RPTOR: variants seen among roughly 807,000 people sequenced by gnomAD.
The protein encoded by RPTOR is regulatory-associated protein of mTOR.
In RPTOR, 21 loss-of-function variants were observed where a neutral mutation model predicts 169.9. The ratio of observed to expected loss-of-function variants is 0.12; its 90% CI spans 0.09 to 0.18. RPTOR has a LOEUF of 0.18. Among genes scored for constraint, RPTOR ranks in the 10% least tolerant of loss-of-function variants. The pLI, the probability that RPTOR is intolerant of heterozygous loss-of-function variation, is 1.00. For synonymous variants in RPTOR, 732 were observed against 753.2 expected (o/e 0.97, Z 0.46); for missense variants, 1,133 against 1,855.9 (o/e 0.61, Z 7.16).
intron 23 of RPTOR, chr17:80,923,944 C>T (rs146571389): frequency 5.1e-5 from 23 of 454,670 alleles, no homozygotes; most frequent in African/African-American, 8.1e-5. Context: ...GGGTGTGTCC[C>T]GGTTCTCCGC....
Position 80,796,055 on chromosome 17 carries a change from C to T in RPTOR, c.890+4546C>T, listed in dbSNP as rs117345396. ...CCACAGTTAGAGAGAGATGGCAAGG[C>T]GCCAGAGAGGCCGTGCTCTCGAGGC... On this transcript the variant is annotated intron_variant, in intron 7 of 33. Coordinates refer to ENST00000306801, the MANE Select transcript of RPTOR (RefSeq NM_020761.3). Among the ~76,000 whole-genome samples, 229 of 152,298 alleles carry T rather than the reference C, an allele frequency of 1.5e-3. 4 individuals carry two copies. The East Asian group carries it at 0.033, about 22-fold the overall frequency.
At chr17:80,873,036 G>C (rs2068068899) in intron 13 of RPTOR, among the ~76,000 whole-genome samples, 1 of 152,058 alleles carries the variant, frequency 6.6e-6, no homozygotes, top group African/African-American at 2.4e-5. Flanking sequence ...CCTGCTCATG[G>C]CTGGCTCCTG....
intron 1 of RPTOR, among the ~76,000 whole-genome samples, chr17:80,600,384 A>C (rs1044292025): frequency 3.9e-5 from 6 of 152,188 alleles, no homozygotes; most frequent in African/African-American, 1.4e-4. Context: ...TGTGAGGAGG[A>C]AGCAGGCTGT....
intron 5 of RPTOR, among the ~76,000 whole-genome samples, chr17:80,742,775 T>C (rs529528953): frequency 4.6e-5 from 7 of 152,062 alleles, no homozygotes; most frequent in South Asian, 2.1e-4. Context: ...CGCACATGTA[T>C]ACATGTGCAT....
intron 7 of RPTOR, chr17:80,804,682 G>T: frequency 6.6e-6 from 1 of 152,390 alleles, no homozygotes. Flanking sequence ...AAGTCGCACA[G>T]CTAGGAGTGG....
intron 6 of RPTOR, among the ~76,000 whole-genome samples, chr17:80,776,681 T>C (rs545488556): frequency 4.6e-5 from 7 of 152,318 alleles, no homozygotes; most frequent in Admixed American, 3.3e-4. Context: ...ATCACACATA[T>C]ATGAAAGTGT....
At position 80,820,158 on chromosome 17, in the gene RPTOR, C is replaced by T. The variant is rs1364316602; in HGVS notation, c.891-2043C>T. ...TTACTGATCCTAGGCCACAGAGCTT[C>T]GGCGTGTGGTCTGGGCGCTGTCTGT... On this transcript the variant is annotated intron_variant, in intron 7 of 33. Transcript: ENST00000306801. This position sits in a 1 kb window ranked among gnomAD's most constrained non-coding sequence, Gnocchi z 4.1. 1.3e-5 allele frequency among the ~76,000 whole-genome samples: 2 copies of T among 152,182 alleles called. No individual in the cohort carries two copies. The highest frequency in any genetic ancestry group is 2.9e-5 in the Non-Finnish European group (2 of 68,026).
intron 6 of RPTOR, among the ~76,000 whole-genome samples, chr17:80,758,344 C>T (rs773296868): frequency 2.0e-5 from 3 of 152,128 alleles, no homozygotes; most frequent in Admixed American, 6.6e-5. Context: ...GTCAGGAGTG[C>T]GGTTGAGCTC....
At chr17:80,895,695 C>G (rs1251485232) in intron 20 of RPTOR, among the ~76,000 whole-genome samples, 1 of 152,244 alleles carries the variant, frequency 6.6e-6, no homozygotes, top group Non-Finnish European at 1.5e-5. Flanking sequence ...AGATGTCGCC[C>G]CAGGCCTTCC....
intron 11 of RPTOR, among the ~76,000 whole-genome samples, chr17:80,853,378 G>A (rs1274220257): frequency 6.6e-6 from 1 of 152,176 alleles, no homozygotes; most frequent in East Asian, 1.9e-4. Context: ...CTCCTGGGGG[G>A]AGGGAAAACC....
chr17:80,836,060 A>G (rs2067560022), intron 9 of RPTOR, among the ~76,000 whole-genome samples: 1 of 152,202 alleles, frequency 6.6e-6, no homozygotes, highest in Admixed American at 6.5e-5. Context: ...AACGGATCCT[A>G]GAGAGAGAGC....
chr17:80,635,137 TCTC>T (rs1180365941), intron 2 of RPTOR, among the ~76,000 whole-genome samples: 1 of 152,196 alleles, frequency 6.6e-6, no homozygotes, highest in East Asian at 1.9e-4. Flanking sequence ...TGAACCCTCT[TCTC>T]CTCTCTGCCA....
At chr17:80,686,565 G>A (rs1052834384) in intron 3 of RPTOR, among the ~76,000 whole-genome samples, 24 of 151,940 alleles carry the variant, frequency 1.6e-4, no homozygotes, top group African/African-American at 4.8e-4. Flanking sequence ...TTTGCCTTTC[G>A]GGACTCATTG....
rs894816727 is a variant in RPTOR, at chr17:80,963,164, T to C, written c.3939+107T>C. Reference sequence around the variant, plus strand: ...CCTGCCTGGCTACCCCACACCACAGTGGGGCCCATTGGCTGCCTGAGGGAG... The same window carrying C: ...CCTGCCTGGCTACCCCACACCACAGCGGGGCCCATTGGCTGCCTGAGGGAG... On this transcript the variant is annotated intron_variant, in intron 33 of 33. Coordinates refer to ENST00000306801, the MANE Select transcript of RPTOR (RefSeq NM_020761.3). 573 of 1,101,056 alleles carry C rather than the reference T, an allele frequency of 5.2e-4. 2 individuals carry two copies. The highest frequency in any genetic ancestry group is 3.2e-4 in the Non-Finnish European group (247 of 767,012). 68.2% of individuals were successfully genotyped at this position (1,101,056 alleles called of 1,614,324 possible).
At chr17:80,766,057 CTTTTTAAATTTTT>C (rs1192893846) in intron 6 of RPTOR, among the ~76,000 whole-genome samples, 1 of 152,118 alleles carries the variant, frequency 6.6e-6, no homozygotes, top group Non-Finnish European at 1.5e-5. Context: ...CTAGCATGTA[CTTTTTAAATTTTT>C]TTTAAGACGT....
rs36184012 is a variant in RPTOR, at chr17:80,634,704, CTGTG to C, written c.265+8918_265+8921del. On this transcript the variant is annotated intron_variant, in intron 2 of 33. Coordinates refer to ENST00000306801, the MANE Select transcript of RPTOR (RefSeq NM_020761.3). ...TGTGCGTACTGTGTGCGTGTGCGTA[CTGTG>C]TGTGTGCGTACTGTGTGTGTGCGTA... 1.8e-3 allele frequency among the ~76,000 whole-genome samples: 119 copies of C among 64,936 alleles called. 7 individuals are homozygous for C. Among genetic ancestry groups the C allele is most frequent in the African/African-American group, 6.1e-3 (84 of 13,670 alleles). 42.6% of individuals were successfully genotyped at this position (64,936 alleles called of 152,430 possible). A position where few individuals can be genotyped will look rare whatever the true frequency, so the allele number is the denominator to read the frequency against.
chr17:80,803,134 T>C lies in RPTOR; in HGVS notation c.890+11625T>C, dbSNP rs1204974291. 1 of 152,312 alleles carries C rather than the reference T, an allele frequency of 6.6e-6. No homozygotes were observed. The highest frequency in any genetic ancestry group is 1.5e-5 in the Non-Finnish European group (1 of 68,092). The allele number at this position is 152,312 out of a possible 1,614,324, so 9.4% of individuals were successfully genotyped here. A position where few individuals can be genotyped will look rare whatever the true frequency, so the allele number is the denominator to read the frequency against. ...ATTCAGTGCCCTGCCGTTGTTCCTA[T>C]GTGCGTGGCTGCAGACTTGCAATCG... On this transcript the variant is annotated intron_variant, in intron 7 of 33. Transcript: ENST00000306801. The surrounding 1 kb of genome is among the most constrained non-coding windows in gnomAD (Gnocchi z 6.2).
At chr17:80,752,241 C>G (rs1479009087) in intron 5 of RPTOR, among the ~76,000 whole-genome samples, 1 of 152,180 alleles carries the variant, frequency 6.6e-6, no homozygotes, top group African/African-American at 2.4e-5. Context: ...CTCCCCACAA[C>G]AAAGGACCAG....
At chr17:80,902,668 G>A (rs2068491292) in intron 20 of RPTOR, among the ~76,000 whole-genome samples, 1 of 152,220 alleles carries the variant, frequency 6.6e-6, no homozygotes, top group South Asian at 2.1e-4. Context: ...AGGATGGCTG[G>A]AGACGGTCTG....
Sources: allele counts gnomAD v4.1 joint callset (sites outside exome capture counted in the v4.1 genomes callset), GRCh38; gene constraint gnomAD v4.1.1; non-coding constraint Gnocchi (gnomAD v3.1); transcripts MANE v1.5; gene names NCBI Gene and HGNC (gene_info 2026-07-23, HGNC 2026-07-21).